Variants in QSOX2 observed in about 807,000 individuals in gnomAD.
QSOX2 encodes the protein sulfhydryl oxidase 2.
A neutral mutation model predicts 61.7 loss-of-function variants in QSOX2; 46 were observed. The ratio of observed to expected loss-of-function variants is 0.75; its 90% confidence interval spans 0.59 to 0.95. The LOEUF is 0.95. Among genes scored for constraint, QSOX2 ranks in the 40% least tolerant of loss-of-function variants. The pLI, the probability that QSOX2 is intolerant of heterozygous loss-of-function variation, is 0.00. For missense variants in QSOX2, 879 were observed against 918.9 expected, an observed-to-expected ratio of 0.96 and a Z score of 0.56; for synonymous variants, 383 against 388.4, an observed-to-expected ratio of 0.99 and a Z score of 0.16.
chr9:136,239,512 C>T (rs1436991476), intron 1 of QSOX2, among the ~76,000 whole-genome samples: 1 of 152,260 alleles, frequency 6.6e-6, no homozygotes, highest in Non-Finnish European at 1.5e-5. Context: ...GTGGGGACCT[C>T]CCTGCTTTGT....
At position 136,209,508 on chromosome 9, in the gene QSOX2, A is replaced by T; in HGVS notation, c.1550-233T>A. On this transcript the variant is annotated intron_variant, in intron 11 of 11. Coordinates refer to ENST00000358701, the MANE Select transcript of QSOX2 (RefSeq NM_181701.4). The surrounding 1 kb of genome is among the most constrained non-coding windows in gnomAD (Gnocchi z 5.6). ...CACGTGTTCCCCTCTGCCGGTTCCC[A>T]TAGCCTGCAAGTGAGGAGACGCTAC... 1.0e-6 allele frequency: 1 copy of T among 985,268 alleles called. No individual in the cohort carries two copies. The allele number at this position is 985,268 out of a possible 1,614,324, so 61.0% of individuals were successfully genotyped here. A position where few individuals can be genotyped will look rare whatever the true frequency, so the allele number is the denominator to read the frequency against.
intron 1 of QSOX2, among the ~76,000 whole-genome samples, chr9:136,242,929 C>T (rs1460636144): frequency 2.0e-5 from 3 of 152,222 alleles, no homozygotes; most frequent in African/African-American, 4.8e-5. Flanking sequence ...TGAATTGAAC[C>T]CCCTCTTGGC....
chr9:136,241,918 C>T (rs537843424), intron 1 of QSOX2, among the ~76,000 whole-genome samples: 1 of 152,302 alleles, frequency 6.6e-6, no homozygotes, highest in East Asian at 1.9e-4. Flanking sequence ...CAGGCCCTGC[C>T]TTTAGGGTGC....
intron 8 of QSOX2, 129 bp from the exon 9 acceptor site, chr9:136,216,851 C>T (rs1564290705): frequency 8.4e-7 from 1 of 1,186,992 alleles, no homozygotes; most frequent in East Asian, 2.5e-5. Context: ...TGGGGCCTCT[C>T]ATAACTCGGG....
At chr9:136,211,113 C>G (rs1352516194) in intron 11 of QSOX2, 151 bp downstream of exon 11, 2 of 888,680 alleles carry the variant, frequency 2.3e-6, no homozygotes, top group East Asian at 5.3e-5. Flanking sequence ...CAGCTCTCAG[C>G]CACCCAAGTC....
At chr9:136,230,884 T>C (rs955006694) in intron 1 of QSOX2, among the ~76,000 whole-genome samples, 3 of 152,178 alleles carry the variant, frequency 2.0e-5, no homozygotes, top group Non-Finnish European at 4.4e-5. Context: ...CCTGGGCCTC[T>C]GCCCTGTCTC....
chr9:136,241,468 T>C (rs1172342455), intron 1 of QSOX2, among the ~76,000 whole-genome samples: 1 of 152,170 alleles, frequency 6.6e-6, no homozygotes, highest in African/African-American at 2.4e-5. Context: ...CCAGACCAAG[T>C]GGGACAGAGG....
Position 136,208,676 on chromosome 9 carries a change from G to A in QSOX2, c.*52C>T, listed in dbSNP as rs1831806305. On this transcript the variant is annotated 3_prime_UTR_variant, in exon 12 of 12. Transcript: ENST00000358701. Reference sequence around the variant, plus strand: ...AATATTAAAGCTGCAGGTGGCACGGGGCAGGGCTGCCTCCAAGGGAGCTTC... The same window carrying A: ...AATATTAAAGCTGCAGGTGGCACGGAGCAGGGCTGCCTCCAAGGGAGCTTC... The A allele has an allele frequency of 6.4e-7, 1 of 1,554,386 alleles. No individual in the cohort carries two copies. Among genetic ancestry groups the A allele is most frequent in the Middle Eastern group, 1.8e-4 (1 of 5,476 alleles).
At chr9:136,212,252 G>A (rs779453418) in intron 10 of QSOX2, among the ~76,000 whole-genome samples, 7 of 152,190 alleles carry the variant, frequency 4.6e-5, no homozygotes, top group Non-Finnish European at 7.4e-5. Context: ...GGCGGGGCTC[G>A]GCAGTCCCCA....
intron 1 of QSOX2, among the ~76,000 whole-genome samples, chr9:136,232,935 A>AAAAAAAAAAAAAAAAAAAAAG: frequency 7.0e-6 from 1 of 142,324 alleles, no homozygotes; most frequent in Non-Finnish European, 1.5e-5. Context: ...AAAAAAAAAA[A>AAAAAAAAAAAAAAAAAAAAAG]AAAGAAAAAA....
chr9:136,208,837 A>G lies in QSOX2; in HGVS notation c.1988T>C (p.Leu663Pro). The change falls in exon 12 of 12, where the codon CTC (leucine) becomes CCC (proline). Residue 663 changes from leucine to proline, a missense_variant. Physicochemically the swap from Leu to Pro is moderately conservative, Grantham distance 98. Coordinates refer to ENST00000358701, the MANE Select transcript of QSOX2 (RefSeq NM_181701.4). ...GVDFSSLDMS[L>P]CVVLYVASSL... Reference sequence around the variant, plus strand: ...TGAAGCCACGTACAGCACGACACAGAGACTCATGTCCAGGCTGGAGAAGTC... The same window carrying G: ...TGAAGCCACGTACAGCACGACACAGGGACTCATGTCCAGGCTGGAGAAGTC... 1 of 1,614,030 alleles carries G rather than the reference A, an allele frequency of 6.2e-7. No individual in the cohort carries two copies. The highest frequency in any genetic ancestry group is 1.3e-5 in the African/African-American group (1 of 75,034).
At chr9:136,234,229 C>T (rs565114686) in intron 1 of QSOX2, among the ~76,000 whole-genome samples, 67 of 152,378 alleles carry the variant, frequency 4.4e-4, no homozygotes, top group Non-Finnish European at 9.1e-4. Flanking sequence ...GAACACAGTA[C>T]GGAACACGTG....
chr9:136,233,831 T>G (rs1830353820), intron 1 of QSOX2, among the ~76,000 whole-genome samples: 1 of 152,220 alleles, frequency 6.6e-6, no homozygotes, highest in South Asian at 2.1e-4. Context: ...TTTGCTTTCT[T>G]CTATGACACG....
chr9:136,211,239 C>A (rs765834890), intron 11 of QSOX2, 25 bp downstream of exon 11: 2 of 1,609,100 alleles, frequency 1.2e-6, no homozygotes, highest in Admixed American at 1.7e-5. Flanking sequence ...CCGTGCTGAG[C>A]CCCCCATGCC....
At chr9:136,229,465 TTC>T (rs1234370896) in intron 1 of QSOX2, among the ~76,000 whole-genome samples, 2 of 152,242 alleles carry the variant, frequency 1.3e-5, no homozygotes. Context: ...CATGGTTTCA[TTC>T]TGTTTATTGG....
rs186872571 is a variant in QSOX2 at position 136,238,664 on chromosome 9, G to A, written c.328+6812C>T. 4.9e-3 allele frequency among the ~76,000 whole-genome samples: 744 copies of A among 152,322 alleles called. 5 individuals are homozygous for A. The highest frequency in any genetic ancestry group is 0.017 in the Middle Eastern group (5 of 294). On this transcript the variant is annotated intron_variant, in intron 1 of 11. Transcript: ENST00000358701. Reference sequence around the variant, plus strand: ...TCTCTCACACATCCCACTGTGCTCCGCTGGTTTCTGGTCTTCAGTTCTCCA... The same window carrying A: ...TCTCTCACACATCCCACTGTGCTCCACTGGTTTCTGGTCTTCAGTTCTCCA...
At chr9:136,243,804 C>A (rs1043659134) in intron 1 of QSOX2, among the ~76,000 whole-genome samples, 11 of 152,246 alleles carry the variant, frequency 7.2e-5, no homozygotes, top group Admixed American at 5.9e-4. Flanking sequence ...TCAGCCATAT[C>A]CTCCTCCAGT....
At chr9:136,220,489 C>T (rs575795136) in intron 6 of QSOX2, among the ~76,000 whole-genome samples, 3 of 152,340 alleles carry the variant, frequency 2.0e-5, no homozygotes, top group East Asian at 3.9e-4. Context: ...CGGAGCCCGG[C>T]GTGGTGAGTC....
Position 136,218,828 on chromosome 9 carries a change from C to T in QSOX2, c.957-20G>A, listed in dbSNP as rs201549036. The T allele has an allele frequency of 1.1e-5, 17 of 1,608,058 alleles. No homozygotes were observed. The highest frequency in any genetic ancestry group is 1.3e-5 in the African/African-American group (1 of 74,922). On this transcript the variant is annotated intron_variant, in intron 7 of 11. Transcript: ENST00000358701. ...TTCGACCTAGGACGGGATATGGCAGCGTCAGGGAATGCCCAACCTTTCCCT... is the reference window on the plus strand; with the variant it reads ...TTCGACCTAGGACGGGATATGGCAGTGTCAGGGAATGCCCAACCTTTCCCT...
Sources: gnomAD v4.1 joint callset for allele counts (sites outside exome capture counted in the v4.1 genomes callset) on GRCh38, gnomAD v4.1.1 for gene constraint, Gnocchi (gnomAD v3.1) non-coding constraint, MANE v1.5 for transcripts, NCBI Gene and HGNC (gene_info 2026-07-23, HGNC 2026-07-21) for gene names.